The following LAMA2 variants were observed in gnomAD, a reference collection of about 807,000 sequenced individuals.
The protein encoded by LAMA2 is laminin subunit alpha 2.
In LAMA2, 269 loss-of-function variants were observed where a neutral mutation model predicts 364.8. The observed-to-expected ratio is 0.74, with a 90% CI of 0.67 to 0.82. LAMA2 has a LOEUF of 0.82. LAMA2 is among the 40% of genes least tolerant of loss of function. The probability of loss-of-function intolerance (pLI) is 0.00; values close to 1 mark genes in which losing one functional copy is unlikely to be tolerated. For missense variants in LAMA2, 3,807 were observed against 3,873.2 expected, an observed-to-expected ratio of 0.98 and a Z score of 0.45; for synonymous variants, 1,379 against 1,370.6, an observed-to-expected ratio of 1.01 and a Z score of -0.14.
intron 12 of LAMA2, among the ~76,000 whole-genome samples, chr6:129,237,406 G>T (rs1363854053): frequency 6.6e-6 from 1 of 151,574 alleles, no homozygotes; most frequent in Non-Finnish European, 1.5e-5. Context: ...GTGTGATCTC[G>T]GCTCACTGCA....
At position 129,341,763 on chromosome 6, in the gene LAMA2, A is replaced by G. The variant is rs1776279425; in HGVS notation, c.4312-580A>G. ...TCATTTCTTTGTGGAAAGGTGTTAAAGGGTATCACCCCAATGTCTCTTATT... is the reference window on the plus strand; with the variant it reads ...TCATTTCTTTGTGGAAAGGTGTTAAGGGGTATCACCCCAATGTCTCTTATT... On this transcript the variant is annotated intron_variant, in intron 29 of 64. Transcript: ENST00000421865. Among the ~76,000 whole-genome samples the G allele has an allele frequency of 3.3e-5, 5 of 152,358 alleles. No homozygotes were observed. The South Asian group carries it at 1.0e-3, about 32-fold the overall frequency.
At chr6:129,327,962 A>G (rs1775400562) in intron 28 of LAMA2, among the ~76,000 whole-genome samples, 1 of 152,230 alleles carries the variant, frequency 6.6e-6, no homozygotes, top group Non-Finnish European at 1.5e-5. Flanking sequence ...TCTTTATTCC[A>G]TATGACAATG....
At chr6:129,218,762 C>T (rs938252038) in intron 12 of LAMA2, among the ~76,000 whole-genome samples, 1 of 152,026 alleles carries the variant, frequency 6.6e-6, no homozygotes, top group Non-Finnish European at 1.5e-5. Context: ...CAGTGTTGTT[C>T]ATTTTCTATA....
Position 129,072,633 on chromosome 6 carries a change from C to A in LAMA2, c.396+12737C>A, listed in dbSNP as rs554227027. On this transcript the variant is annotated intron_variant, in intron 3 of 64. Coordinates refer to ENST00000421865, the MANE Select transcript of LAMA2 (RefSeq NM_000426.4). ...GTCTTATCTTTTGCTAATTTTTCTT[C>A]CTCATAACTTTCTTACTTTTGGAAT... 2.0e-5 allele frequency among the ~76,000 whole-genome samples: 3 copies of A among 152,058 alleles called. No homozygotes were observed. In the South Asian group the frequency reaches 6.2e-4, roughly 32 times the overall value.
intron 1 of LAMA2, among the ~76,000 whole-genome samples, chr6:128,996,809 A>G (rs1783972365): frequency 6.6e-6 from 1 of 152,228 alleles, no homozygotes; most frequent in Non-Finnish European, 1.5e-5. Context: ...TCATTCTACT[A>G]TAAAGACACA....
chr6:129,452,634 A>G (rs992514970), intron 45 of LAMA2, among the ~76,000 whole-genome samples: 2 of 152,196 alleles, frequency 1.3e-5, no homozygotes, highest in South Asian at 2.1e-4. Flanking sequence ...AACAACCTTA[A>G]TGAAGGTCAT....
chr6:129,249,909 G>T (rs1433016754), intron 12 of LAMA2, among the ~76,000 whole-genome samples: 2 of 152,136 alleles, frequency 1.3e-5, no homozygotes, highest in Non-Finnish European at 2.9e-5. Flanking sequence ...TTATGTTTAT[G>T]TCAGGCTTGC....
intron 61 of LAMA2, 98 bp from the exon 62 acceptor site, chr6:129,507,391 A>G: frequency 7.9e-7 from 1 of 1,272,874 alleles, no homozygotes; most frequent in Non-Finnish European, 1.1e-6. Flanking sequence ...ACAACTGGAT[A>G]ACTACACACA....
intron 34 of LAMA2, among the ~76,000 whole-genome samples, chr6:129,376,434 T>G (rs1433938566): frequency 6.6e-6 from 1 of 152,226 alleles, no homozygotes; most frequent in Non-Finnish European, 1.5e-5. Flanking sequence ...CCTCCAAATC[T>G]GTTCTCCGTA....
rs538374881 is a variant in LAMA2 at position 129,041,251 on chromosome 6, T to C, written c.113-8667T>C. ...ACCCCTTAATTGTTCAATGAATTTCTCATTGACTTGTGTAGTGCTTCAAAA... is the reference window on the plus strand; with the variant it reads ...ACCCCTTAATTGTTCAATGAATTTCCCATTGACTTGTGTAGTGCTTCAAAA... On this transcript the variant is annotated intron_variant, in intron 1 of 64. Coordinates refer to ENST00000421865, the MANE Select transcript of LAMA2 (RefSeq NM_000426.4). Among the ~76,000 whole-genome samples the C allele has an allele frequency of 2.6e-5, 4 of 152,344 alleles. No individual in the cohort carries two copies. In the South Asian group the frequency reaches 6.2e-4, roughly 24 times the overall value.
At chr6:129,403,049 A>G (rs1001896804) in intron 39 of LAMA2, among the ~76,000 whole-genome samples, 6 of 152,198 alleles carry the variant, frequency 3.9e-5, no homozygotes, top group Non-Finnish European at 7.3e-5. Flanking sequence ...GGAAGTATAC[A>G]TTTGACTTAC....
At chr6:129,202,404 A>C (rs1189225935) in intron 12 of LAMA2, among the ~76,000 whole-genome samples, 1 of 152,018 alleles carries the variant, frequency 6.6e-6, no homozygotes, top group Non-Finnish European at 1.5e-5. Context: ...TCTAATCTCC[A>C]TGAATGGGAT....
chr6:129,267,781 G>A (rs1477481788), intron 16 of LAMA2, among the ~76,000 whole-genome samples: 2 of 152,054 alleles, frequency 1.3e-5, no homozygotes, highest in African/African-American at 4.8e-5. Context: ...TTAAGTCTAA[G>A]CTTTAACCAG....
At chr6:129,184,221 G>A (rs768626340) in intron 10 of LAMA2, among the ~76,000 whole-genome samples, 1 of 151,814 alleles carries the variant, frequency 6.6e-6, no homozygotes, top group Non-Finnish European at 1.5e-5. Flanking sequence ...TACAGGAATG[G>A]TCACTTCATT....
intron 12 of LAMA2, among the ~76,000 whole-genome samples, chr6:129,237,503 T>G (rs1217857992): frequency 6.6e-6 from 1 of 151,884 alleles, no homozygotes; most frequent in African/African-American, 2.4e-5. Context: ...GCCCAGCTAA[T>G]TTTTGTATTT....
chr6:129,279,176 T>C (rs1366773183), intron 17 of LAMA2, among the ~76,000 whole-genome samples: 3 of 152,126 alleles, frequency 2.0e-5, no homozygotes, highest in African/African-American at 7.2e-5. Context: ...CAACAGACCT[T>C]ACAGAATTCA....
At chr6:129,431,898 C>G (rs944103678) in intron 41 of LAMA2, among the ~76,000 whole-genome samples, 2 of 152,146 alleles carry the variant, frequency 1.3e-5, no homozygotes, top group Admixed American at 6.5e-5. Context: ...AAACGCTAAC[C>G]TGTTGAGATT....
chr6:129,501,652 G>A (rs932345046), intron 58 of LAMA2, among the ~76,000 whole-genome samples: 17 of 152,198 alleles, frequency 1.1e-4, no homozygotes, highest in African/African-American at 4.1e-4. Context: ...TGGGGCAGCG[G>A]CCCAGCCAGA....
In LAMA2 at chr6:129,505,184, C is replaced by A. The variant is rs1785955932; in HGVS notation, c.8548-16C>A. Reference sequence around the variant, plus strand: ...TTGTTCAGGATTGGCATTAATGACTCCTTTCTTTTTTGTAGATTAAGATAA... The same window carrying A: ...TTGTTCAGGATTGGCATTAATGACTACTTTCTTTTTTGTAGATTAAGATAA... On this transcript the variant is annotated splice_polypyrimidine_tract_variant and intron_variant, in intron 60 of 64. Transcript: ENST00000421865. 6.2e-7 allele frequency: 1 copy of A among 1,611,178 alleles called. No individual in the cohort carries two copies. The highest frequency in any genetic ancestry group is 1.3e-5 in the African/African-American group (1 of 74,818).
Sources: allele counts gnomAD v4.1 joint callset (sites outside exome capture counted in the v4.1 genomes callset), GRCh38; gene constraint gnomAD v4.1.1; transcripts MANE v1.5; gene names NCBI Gene and HGNC (gene_info 2026-07-23, HGNC 2026-07-21).